Variants in DSG4 observed in about 807,000 individuals in gnomAD.
DSG4 encodes the protein desmoglein 4, also known as desmoglein-4.
Under a neutral mutation model 93.1 loss-of-function variants are expected in DSG4, and 87 were observed. That is an observed-to-expected ratio of 0.93 (90% CI 0.79 to 1.12). DSG4 has a LOEUF of 1.12. Ranked by LOEUF, DSG4 falls within the 50% of genes most tolerant of loss-of-function variation. The probability of loss-of-function intolerance (pLI) is 0.00; values close to 1 mark genes in which losing one functional copy is unlikely to be tolerated. For missense variants in DSG4, 1,373 were observed against 1,285.7 expected (o/e 1.07, Z -1.04); for synonymous variants, 432 against 452.9 (o/e 0.95, Z 0.59).
chr18:31,391,330 CA>C, intron 7 of DSG4, 118 bp downstream of exon 7: 1 of 1,403,558 alleles, frequency 7.1e-7, no homozygotes, highest in Non-Finnish European at 1.0e-6. Context: ...TGGACATACT[CA>C]ACTTTGTTAT....
intron 8 of DSG4, among the ~76,000 whole-genome samples, chr18:31,393,899 GA>G (rs1435693109): frequency 6.6e-6 from 1 of 151,928 alleles, no homozygotes; most frequent in Non-Finnish European, 1.5e-5. Flanking sequence ...CCAAAATTAT[GA>G]AAAATATTTA....
At position 31,401,002 on chromosome 18, in the gene DSG4, G is replaced by GATAT. The variant is rs2072359914; in HGVS notation, c.1400_1401insTATA (p.Glu467AspfsTer8). 1.9e-6 allele frequency: 3 copies of GATAT among 1,605,216 alleles called. No homozygotes were observed. Among genetic ancestry groups the GATAT allele is most frequent in the Non-Finnish European group, 2.6e-6 (3 of 1,175,430 alleles). ...TATTATCAATGGGATATACACAGCA[G>GATAT]AGATCCTGGCTATAGATGGTAAGAA... On this transcript the variant is annotated frameshift_variant, in exon 10 of 16. Transcript: ENST00000308128. LOFTEE classifies it high-confidence loss of function.
intron 8 of DSG4, among the ~76,000 whole-genome samples, chr18:31,396,477 C>A (rs976771244): frequency 6.7e-6 from 1 of 150,300 alleles, no homozygotes; most frequent in East Asian, 2.0e-4. Flanking sequence ...GCATCAGCCT[C>A]CGGAGTAGCT....
intron 12 of DSG4, among the ~76,000 whole-genome samples, chr18:31,407,564 T>C (rs1383430293): frequency 6.6e-6 from 1 of 152,206 alleles, no homozygotes; most frequent in East Asian, 1.9e-4. Context: ...AAAAGCTGGG[T>C]TCTAAAATTA....
In DSG4 at chr18:31,385,228, G is replaced by T; in HGVS notation, c.84+57G>T. 3.2e-6 allele frequency: 4 copies of T among 1,233,386 alleles called. No individual in the cohort carries two copies. In the South Asian group the frequency reaches 5.5e-5, roughly 17 times the overall value. 76.4% of individuals were successfully genotyped at this position (1,233,386 alleles called of 1,614,324 possible). A position where few individuals can be genotyped will look rare whatever the true frequency, so the allele number is the denominator to read the frequency against. ...AAAATTAAAACAAAAACTGAATTTT[G>T]TAATGTATTATATATAAAAATCAGA... On this transcript the variant is annotated intron_variant, in intron 2 of 15. Coordinates refer to ENST00000308128, the MANE Select transcript of DSG4 (RefSeq NM_177986.5).
intron 3 of DSG4, 50 bp downstream of exon 3, chr18:31,386,869 C>G: frequency 6.2e-7 from 1 of 1,610,310 alleles, no homozygotes; most frequent in Non-Finnish European, 8.5e-7. Context: ...AGCAGGGAAG[C>G]TTTCAAATAT....
intron 11 of DSG4, among the ~76,000 whole-genome samples, chr18:31,405,180 C>G (rs2072411024): frequency 6.6e-6 from 1 of 152,096 alleles, no homozygotes; most frequent in South Asian, 2.1e-4. Context: ...CATGGTTTAG[C>G]TGTAAATTTA....
intron 8 of DSG4, among the ~76,000 whole-genome samples, chr18:31,396,006 G>T (rs2072301076): frequency 6.6e-6 from 1 of 152,100 alleles, no homozygotes; most frequent in South Asian, 2.1e-4. Context: ...CTGTTCTCAA[G>T]GAATTTACAG....
intron 1 of DSG4, among the ~76,000 whole-genome samples, chr18:31,384,744 T>C (rs980073385): frequency 4.6e-5 from 7 of 152,192 alleles, no homozygotes; most frequent in African/African-American, 1.7e-4. Flanking sequence ...TTTACAACTG[T>C]GTTCTTGTTT....
chr18:31,388,166 A>G (rs1414983089), intron 3 of DSG4, among the ~76,000 whole-genome samples: 2 of 152,128 alleles, frequency 1.3e-5, no homozygotes, highest in Non-Finnish European at 2.9e-5. Context: ...CCCACAACAA[A>G]TCTGTGTGAT....
Position 31,399,479 on chromosome 18 carries a change from A to G in DSG4, c.1213A>G (p.Asn405Asp). Residue 405 changes from asparagine to aspartate, a missense_variant, in exon 9 of 16, where the codon AAT (asparagine) becomes GAT (aspartate). Coordinates refer to ENST00000308128, the MANE Select transcript of DSG4 (RefSeq NM_177986.5). Reference sequence around the variant, plus strand: ...AGGAATAAAAGGAAGTTCCTTATTGAATTATGTGCTTGGCACATATACAGC... The same window carrying G: ...AGGAATAAAAGGAAGTTCCTTATTGGATTATGTGCTTGGCACATATACAGC... ...REGIKGSSLL[N>D]YVLGTYTAID... 1 of 1,614,120 alleles carries G rather than the reference A, an allele frequency of 6.2e-7. No homozygotes were observed. Among genetic ancestry groups the G allele is most frequent in the Non-Finnish European group, 8.5e-7 (1 of 1,179,964 alleles).
Position 31,389,143 on chromosome 18 carries a change from C to T in DSG4, c.517+125C>T, listed in dbSNP as rs538933300. 1.2e-5 allele frequency: 12 copies of T among 1,036,260 alleles called. No homozygotes were observed. The East Asian group carries it at 2.5e-4, about 21-fold the overall frequency. 64.2% of individuals were successfully genotyped at this position (1,036,260 alleles called of 1,614,324 possible). A position where few individuals can be genotyped will look rare whatever the true frequency, so the allele number is the denominator to read the frequency against. The stretch of plus-strand genomic sequence containing the variant: ...AAGCCACACTTGTATTTTGAATAAA[C>T]CCCACATATTTTAATTTATAACTGA... On this transcript the variant is annotated intron_variant, in intron 5 of 15. Transcript: ENST00000308128.
In DSG4 at chr18:31,391,182, C is replaced by T. The variant is rs148802079; in HGVS notation, c.789C>T (p.Asn263=). The part of the protein sequence containing the change: ...CDCRIKVLDV[N]DNFPTLEKTS... ...GTAGAATCAAGGTTTTAGACGTCAACGATAATTTCCCCACCTTAGAGAAAA... is the reference window on the plus strand; with the variant it reads ...GTAGAATCAAGGTTTTAGACGTCAATGATAATTTCCCCACCTTAGAGAAAA... The change falls in exon 7 of 16, where the codon AAC becomes AAT. Residue 263 remains asparagine, a synonymous_variant. Coordinates refer to ENST00000308128, the MANE Select transcript of DSG4 (RefSeq NM_177986.5). The T allele has an allele frequency of 8.6e-5, 139 of 1,613,412 alleles. No individual in the cohort carries two copies. Among genetic ancestry groups the T allele is most frequent in the South Asian group, 2.7e-4 (25 of 91,058 alleles).
chr18:31,390,582 C>T (rs2072236504), intron 5 of DSG4, 74 bp from the exon 6 acceptor site: 1 of 1,576,092 alleles, frequency 6.3e-7, no homozygotes, highest in Admixed American at 1.7e-5. Context: ...ACCACTCTGT[C>T]TTCTTATGCC....
intron 5 of DSG4, among the ~76,000 whole-genome samples, chr18:31,390,332 T>C (rs889717865): frequency 1.3e-5 from 2 of 152,152 alleles, no homozygotes; most frequent in African/African-American, 4.8e-5. Context: ...ATAAAACAGA[T>C]AAAAATCTGT....
At chr18:31,401,881 A>G (rs3842955) in intron 10 of DSG4, among the ~76,000 whole-genome samples, 104,976 of 152,116 alleles carry the variant, frequency 0.69, 37,509 homozygotes, top group East Asian at 0.9. Context: ...AAATTCAAAA[A>G]GAAACCATGA....
chr18:31,410,326 T>C (rs2072472643), intron 14 of DSG4, among the ~76,000 whole-genome samples: 1 of 151,234 alleles, frequency 6.6e-6, no homozygotes, highest in African/African-American at 2.4e-5. Flanking sequence ...GAGTAAATAA[T>C]ACATATTACA....
rs759845749 is a variant in DSG4 at position 31,413,480 on chromosome 18, T to G, written c.3008T>G (p.Val1003Gly). The G allele has an allele frequency of 6.2e-7, 1 of 1,612,018 alleles. No individual in the cohort carries two copies. The highest frequency in any genetic ancestry group is 2.2e-5 in the East Asian group (1 of 44,842). Residue 1003 changes from valine (V) to glycine (G), a missense_variant, in exon 16 of 16, where the codon GTG (valine) becomes GGG (glycine). Coordinates refer to ENST00000308128, the MANE Select transcript of DSG4 (RefSeq NM_177986.5). ...ATTTTAGTAGGGCCAGAAATTCAAG[T>G]GATGCAAATGATGAGTCCAGACCTT... is the stretch of plus-strand genomic sequence containing the variant. ...GNILVGPEIQVMQMMSPDLPI... is the reference protein window; with the variant it reads ...GNILVGPEIQGMQMMSPDLPI...
Position 31,413,399 on chromosome 18 carries a change from AC to A in DSG4, c.2928del (p.Asp976GlufsTer2), listed in dbSNP as rs754476167. 1.6e-4 allele frequency: 256 copies of A among 1,613,854 alleles called. No homozygotes were observed. Among genetic ancestry groups the A allele is most frequent in the Non-Finnish European group, 2.1e-4 (250 of 1,180,024 alleles). ...ERVLASPGVPDMSNSSTTEGC... is the reference protein window; with the variant it reads ...ERVLASPGVPXMSNSSTTEGC... Reference sequence around the variant, plus strand: ...GTACTGGCTAGTCCTGGTGTGCCTGACATGAGCAATAGTAGCACGACTGAGG... The same window carrying A: ...GTACTGGCTAGTCCTGGTGTGCCTGAATGAGCAATAGTAGCACGACTGAGG... On this transcript the variant is annotated frameshift_variant, in exon 16 of 16. Transcript: ENST00000308128. LOFTEE classifies it high-confidence loss of function.
Sources: allele counts gnomAD v4.1 joint callset (sites outside exome capture counted in the v4.1 genomes callset), GRCh38; gene constraint gnomAD v4.1.1; transcripts MANE v1.5; gene names NCBI Gene and HGNC (gene_info 2026-07-23, HGNC 2026-07-21).